CDH23: variants seen among roughly 807,000 people sequenced by gnomAD.
The protein encoded by CDH23 is cadherin-23.
A neutral mutation model predicts 317.1 loss-of-function variants in CDH23; 189 were observed. That is an observed-to-expected ratio of 0.60 (90% CI 0.53 to 0.67). CDH23 has a LOEUF of 0.67. Ranked by LOEUF, CDH23 falls within the 30% of genes least tolerant of loss-of-function variation. The pLI is 0.00. For missense variants in CDH23, 4,401 were observed against 4,592.4 expected (o/e 0.96, Z 1.20); for synonymous variants, 1,839 against 1,876.8 (o/e 0.98, Z 0.52).
intron 1 of CDH23, among the ~76,000 whole-genome samples, chr10:71,421,398 A>T (rs530181331): frequency 6.6e-6 from 1 of 152,384 alleles, no homozygotes; most frequent in South Asian, 2.1e-4. Context: ...CATATGAGAA[A>T]GAGCCGAGTA....
chr10:71,444,396 C>T (rs780323726), intron 2 of CDH23, among the ~76,000 whole-genome samples: 2 of 152,200 alleles, frequency 1.3e-5, no homozygotes, highest in Non-Finnish European at 2.9e-5. Context: ...GGCCCTTGAC[C>T]ACCACCTCTG....
intron 30 of CDH23, among the ~76,000 whole-genome samples, chr10:71,729,577 G>A (rs904660313): frequency 1.3e-5 from 2 of 152,240 alleles, no homozygotes; most frequent in African/African-American, 4.8e-5. Context: ...GGGTGTGGGT[G>A]CAGTGGGGTG....
At position 71,814,713 on chromosome 10, in the gene CDH23, T is replaced by TAC. The variant is rs34475820; in HGVS notation, c.9739-217_9739-216dup. Among the ~76,000 whole-genome samples the TAC allele has an allele frequency of 0.54, 79,852 of 146,802 alleles. 21,443 individuals are homozygous for TAC. Among genetic ancestry groups the TAC allele is most frequent in the South Asian group, 0.62 (2,832 of 4,562 alleles). On this transcript the variant is annotated intron_variant, in intron 69 of 69. Coordinates refer to ENST00000224721, the MANE Select transcript of CDH23 (RefSeq NM_022124.6). The stretch of plus-strand genomic sequence containing the variant: ...ACACACAATTTTCACAAGAAGCCGA[T>TAC]ACACACACACACACACACACACAGA...
intron 3 of CDH23, among the ~76,000 whole-genome samples, chr10:71,480,428 A>G (rs1852007770): frequency 1.3e-5 from 2 of 152,276 alleles, no homozygotes; most frequent in African/African-American, 2.4e-5. Flanking sequence ...CTAGACTAAC[A>G]TCAGCCAACC....
chr10:71,793,076 G>T, intron 47 of CDH23, 106 bp from the exon 48 acceptor site: 1 of 777,244 alleles, frequency 1.3e-6, no homozygotes, highest in African/African-American at 1.8e-5. Context: ...TGCTGTCAAG[G>T]CTGTCATGAG....
At chr10:71,813,722 C>T (rs981651405) in intron 69 of CDH23, among the ~76,000 whole-genome samples, 6 of 152,082 alleles carry the variant, frequency 3.9e-5, no homozygotes, top group African/African-American at 1.4e-4. Flanking sequence ...GTCTGGCCAA[C>T]GTGGCGAAAC....
chr10:71,656,340 C>T (rs796676954), intron 14 of CDH23, among the ~76,000 whole-genome samples: 11 of 152,200 alleles, frequency 7.2e-5, no homozygotes, highest in African/African-American at 2.7e-4. Context: ...CCTGGGCCTT[C>T]CTGGCCCTCT....
rs534912615 is a variant in CDH23, at chr10:71,555,372, G to A, written c.430-11370G>A. On this transcript the variant is annotated intron_variant, in intron 6 of 69. Coordinates refer to ENST00000224721, the MANE Select transcript of CDH23 (RefSeq NM_022124.6). ...GCGCACAGCCCTTAGCCCACTGCTGGGAATGGAAATAGCATTCTTTATAAC... is the reference window on the plus strand; with the variant it reads ...GCGCACAGCCCTTAGCCCACTGCTGAGAATGGAAATAGCATTCTTTATAAC... Among the ~76,000 whole-genome samples the A allele has an allele frequency of 2.6e-5, 4 of 152,296 alleles. No homozygotes were observed. The South Asian group carries it at 8.3e-4, about 32-fold the overall frequency.
rs1253523523 is a variant in CDH23 at position 71,815,182 on chromosome 10, C to T, written c.9969C>T (p.Phe3323=). 1.2e-6 allele frequency: 2 copies of T among 1,610,870 alleles called. No individual in the cohort carries two copies. Among genetic ancestry groups the T allele is most frequent in the Non-Finnish European group, 1.7e-6 (2 of 1,178,428 alleles). The change falls in exon 70 of 70, where the codon TTC becomes TTT. Residue 3323 remains phenylalanine, a synonymous_variant. Transcript: ENST00000224721. The stretch of plus-strand genomic sequence containing the variant: ...TGACCGCTGCCGAGGCCACTGCCTT[C>T]GAGCGCAACGCCCGCACAGAATCCG... ...ETLTAAEATA[F]ERNARTESAK...
At position 71,439,904 on chromosome 10, in the gene CDH23, T is replaced by C. The variant is rs1455226636; in HGVS notation, c.67+6T>C. 6.4e-7 allele frequency: 1 copy of C among 1,568,324 alleles called. No homozygotes were observed. The highest frequency in any genetic ancestry group is 1.9e-5 in the Admixed American group (1 of 53,522). On this transcript the variant is annotated splice_donor_region_variant and intron_variant, in intron 2 of 69. Coordinates refer to ENST00000224721, the MANE Select transcript of CDH23 (RefSeq NM_022124.6). ...GCTGATCTCTGGATGCTGGGGTAAG[T>C]CCAGTCCTCCCCGTGTCTATCCCAT... is the stretch of plus-strand genomic sequence containing the variant.
chr10:71,697,611 G>A (rs577456884), intron 22 of CDH23, among the ~76,000 whole-genome samples: 1 of 152,138 alleles, frequency 6.6e-6, no homozygotes, highest in Admixed American at 6.5e-5. Context: ...GATAGAAGCT[G>A]CAGTGAGCCA....
chr10:71,791,196 G>A lies in CDH23; in HGVS notation c.6114G>A (p.Glu2038=), dbSNP rs2132949670. The A allele has an allele frequency of 1.2e-6, 2 of 1,611,720 alleles. No homozygotes were observed. Among genetic ancestry groups the A allele is most frequent in the Non-Finnish European group, 1.7e-6 (2 of 1,178,434 alleles). The change falls in exon 47 of 70, where the codon GAG becomes GAA. Residue 2038 remains glutamate, a synonymous_variant. Transcript: ENST00000224721. ...DREAFSPPIL[E]LLLLAEDIGL... is the part of the protein sequence containing the mutation. ...AGGCATTCTCGCCACCCATCCTGGAGCTGCTGCTGCTGGCTGAGGACATCG... is the reference window on the plus strand; with the variant it reads ...AGGCATTCTCGCCACCCATCCTGGAACTGCTGCTGCTGGCTGAGGACATCG...
At position 71,634,060 on chromosome 10, in the gene CDH23, T is replaced by C. The variant is rs548692671; in HGVS notation, c.1135-9801T>C. ...AGGGAAATCATTTTAGCATAGGAAA[T>C]AGCCAGAGCCAGGCAGCTGCAGATT... On this transcript the variant is annotated intron_variant, in intron 11 of 69. Transcript: ENST00000224721. Among the ~76,000 whole-genome samples the C allele has an allele frequency of 1.4e-4, 21 of 152,318 alleles. No individual in the cohort carries two copies. In the South Asian group the frequency reaches 2.7e-3, roughly 20 times the overall value.
At chr10:71,403,151 C>CA (rs199966323) in intron 1 of CDH23, among the ~76,000 whole-genome samples, 154 of 148,992 alleles carry the variant, frequency 1.0e-3, no homozygotes, top group African/African-American at 2.1e-3. Context: ...AAACAACAAC[C>CA]AAAAAAAAAC....
rs767606295 is a variant in CDH23, at chr10:71,815,238, A to G, written c.10025A>G (p.Asp3342Gly). ...TCCACACCCCTGCACAAACTTCGCG[A>G]CGTGATCATGGAGACCCCCCTGGAG... ...AKSTPLHKLRDVIMETPLEIT... is the reference protein window; with the variant it reads ...AKSTPLHKLRGVIMETPLEIT... The change falls in exon 70 of 70, where the codon GAC becomes GGC. Residue 3342 changes from aspartate (D) to glycine (G), a missense_variant. Around this residue, in one of 3 missense-constraint regions of CDH23, gnomAD observed 1,144 missense variants for 1,138.2 expected, o/e 1.01. Transcript: ENST00000224721. 16 of 1,592,606 alleles carry G rather than the reference A, an allele frequency of 1.0e-5. No individual in the cohort carries two copies. The South Asian group carries it at 1.8e-4, about 18-fold the overall frequency.
intron 3 of CDH23, among the ~76,000 whole-genome samples, chr10:71,485,261 G>A (rs1454785055): frequency 2.6e-5 from 4 of 152,074 alleles, no homozygotes; most frequent in South Asian, 2.1e-4. Context: ...TCCTGACCTC[G>A]TGATCCACCT....
chr10:71,622,744 T>C (rs954342586), intron 11 of CDH23, among the ~76,000 whole-genome samples: 1 of 152,226 alleles, frequency 6.6e-6, no homozygotes, highest in Non-Finnish European at 1.5e-5. Context: ...CACTTTCCTC[T>C]GCCTCACTCC....
At chr10:71,585,694 T>C (rs1163550765) in intron 9 of CDH23, among the ~76,000 whole-genome samples, 4 of 152,156 alleles carry the variant, frequency 2.6e-5, no homozygotes, top group Non-Finnish European at 5.9e-5. Flanking sequence ...ACTTCTTCCT[T>C]CCCCCTGATC....
At chr10:71,783,005 G>A (rs988223749) in intron 41 of CDH23, among the ~76,000 whole-genome samples, 10 of 152,192 alleles carry the variant, frequency 6.6e-5, no homozygotes, top group Non-Finnish European at 1.0e-4. Context: ...CTGTGGGGGC[G>A]CCTGGGCCCC....
Sources: gnomAD v4.1 joint callset for allele counts (sites outside exome capture counted in the v4.1 genomes callset) on GRCh38, gnomAD v4.1.1 for gene constraint, gnomAD v4.1.1 regional missense constraint, MANE v1.5 for transcripts, NCBI Gene and HGNC (gene_info 2026-07-23, HGNC 2026-07-21) for gene names.